The following METTL24 variants were observed in gnomAD, a reference collection of about 807,000 sequenced individuals.
The protein encoded by METTL24 is probable methyltransferase-like protein 24.
METTL24 carries 29 observed loss-of-function variants against 32.7 expected under a neutral mutation model. The ratio of observed to expected loss-of-function variants is 0.89; its 90% CI spans 0.66 to 1.21. The LOEUF is 1.21. Among genes scored for constraint, METTL24 ranks in the 50% most tolerant of loss-of-function variants. The probability of loss-of-function intolerance (pLI) is 0.00; values close to 1 mark genes in which losing one functional copy is unlikely to be tolerated. For synonymous variants in METTL24, 163 were observed against 179.5 expected (o/e 0.91, Z 0.73); for missense variants, 439 against 468.1 (o/e 0.94, Z 0.57).
intron 4 of METTL24, among the ~76,000 whole-genome samples, chr6:110,293,525 C>A (rs1022812505): frequency 1.1e-4 from 16 of 151,740 alleles, no homozygotes; most frequent in Admixed American, 8.5e-4. Flanking sequence ...ATTAATATGT[C>A]CTTCAATAAT....
chr6:110,293,570 T>G (rs1771358891), intron 4 of METTL24, among the ~76,000 whole-genome samples: 1 of 152,004 alleles, frequency 6.6e-6, no homozygotes, highest in Admixed American at 6.5e-5. Context: ...TTTTACCTCT[T>G]TCTTAATTTA....
At chr6:110,315,317 T>C (rs770743972) in intron 3 of METTL24, 25 bp downstream of exon 3, 3 of 1,613,366 alleles carry the variant, frequency 1.9e-6, no homozygotes, top group Non-Finnish European at 2.5e-6. Context: ...TTGTGTTTTC[T>C]TCTGCTGTAA....
At chr6:110,260,026 A>G (rs1240798379) in intron 4 of METTL24, among the ~76,000 whole-genome samples, 1 of 152,240 alleles carries the variant, frequency 6.6e-6, no homozygotes, top group Non-Finnish European at 1.5e-5. Flanking sequence ...AAAACAGAGC[A>G]GAAAAACTGA....
chr6:110,324,487 TA>T (rs1201052081), intron 1 of METTL24, among the ~76,000 whole-genome samples: 6 of 152,244 alleles, frequency 3.9e-5, no homozygotes, highest in Non-Finnish European at 8.8e-5. Context: ...GTAATTTTAT[TA>T]TTTTTTTTAT....
chr6:110,324,103 A>G (rs1771978681), intron 1 of METTL24, among the ~76,000 whole-genome samples: 3 of 152,172 alleles, frequency 2.0e-5, no homozygotes, highest in African/African-American at 7.2e-5. Context: ...GTAGTGGGGA[A>G]CAAGGTTAGT....
At chr6:110,352,156 G>A (rs62435948) in intron 1 of METTL24, among the ~76,000 whole-genome samples, 45,406 of 152,038 alleles carry the variant, frequency 0.3, 7,022 homozygotes, top group Non-Finnish European at 0.33. Context: ...TCCTTAACGG[G>A]AGCAATTTAA....
intron 2 of METTL24, among the ~76,000 whole-genome samples, chr6:110,318,651 C>CAAAAAAAAAA (rs56890760): frequency 1.1e-5 from 1 of 90,538 alleles, no homozygotes; most frequent in African/African-American, 3.5e-5. Flanking sequence ...GACTCTACCT[C>CAAAAAAAAAA]AAAAAAAAAA....
intron 4 of METTL24, among the ~76,000 whole-genome samples, chr6:110,258,764 C>T (rs774841455): frequency 1.1e-4 from 17 of 151,380 alleles, no homozygotes; most frequent in African/African-American, 4.1e-4. Flanking sequence ...AACATCATTC[C>T]TCTGCTCTGA....
intron 1 of METTL24, among the ~76,000 whole-genome samples, chr6:110,348,818 C>T (rs1330746623): frequency 6.6e-6 from 1 of 152,198 alleles, no homozygotes; most frequent in Admixed American, 6.5e-5. Context: ...ATTCCACCCC[C>T]CTAGAGAAAA....
chr6:110,274,294 T>C (rs1029472097), intron 4 of METTL24, among the ~76,000 whole-genome samples: 1 of 152,230 alleles, frequency 6.6e-6, no homozygotes, highest in African/African-American at 2.4e-5. Context: ...GGTTTCACCA[T>C]GTTGGCCAGG....
At chr6:110,254,206 G>T (rs1778338529) in intron 4 of METTL24, 2 of 322,466 alleles carry the variant, frequency 6.2e-6, no homozygotes, top group South Asian at 1.6e-4. Context: ...CAACAAACTG[G>T]GCAACTAAGT....
intron 4 of METTL24, among the ~76,000 whole-genome samples, chr6:110,266,500 G>A (rs1397561868): frequency 1.3e-5 from 2 of 151,878 alleles, no homozygotes; most frequent in Non-Finnish European, 2.9e-5. Flanking sequence ...TCTATTCTTT[G>A]GCTAGATTCC....
chr6:110,259,183 G>C (rs530147611), intron 4 of METTL24, among the ~76,000 whole-genome samples: 32 of 152,286 alleles, frequency 2.1e-4, no homozygotes, highest in Admixed American at 5.2e-4. Context: ...CCTCACCCGG[G>C]AAGCACAAGG....
chr6:110,290,122 T>A (rs1771292285), intron 4 of METTL24, among the ~76,000 whole-genome samples: 2 of 150,770 alleles, frequency 1.3e-5, no homozygotes, highest in South Asian at 4.2e-4. Context: ...TGCCATGTTG[T>A]CCAGGCTGGT....
rs111710682 is a variant in METTL24, at chr6:110,246,901, A to G, written c.787-641T>C. On this transcript the variant is annotated intron_variant, in intron 4 of 4. Transcript: ENST00000338882. ...GAATATTGGACTATAAAAAAATAAT[A>G]TTATTATTCTATGATTTCTTTACAA... Among the ~76,000 whole-genome samples the G allele has an allele frequency of 4.3e-3, 656 of 151,950 alleles. 9 individuals carry two copies. Among genetic ancestry groups the G allele is most frequent in the African/African-American group, 0.015 (640 of 41,438 alleles).
chr6:110,298,840 G>C lies in METTL24; in HGVS notation c.786+82C>G, dbSNP rs1305022758. On this transcript the variant is annotated intron_variant, in intron 4 of 4. Transcript: ENST00000338882. ...GGACCTTCAGCTATCCAATGTCAAT[G>C]TTGCTATTCTTGGTTTGCATTTTAA... The C allele has an allele frequency of 5.6e-5, 67 of 1,186,224 alleles. 1 individual carries two copies. Among genetic ancestry groups the C allele is most frequent in the Non-Finnish European group, 7.1e-5 (58 of 821,978 alleles). 73.5% of individuals were successfully genotyped at this position (1,186,224 alleles called of 1,614,324 possible).
chr6:110,250,884 T>A (rs1778265226), intron 4 of METTL24, among the ~76,000 whole-genome samples: 2 of 152,182 alleles, frequency 1.3e-5, no homozygotes. Context: ...TTTGGCCCCC[T>A]CCCATTCCCT....
intron 4 of METTL24, among the ~76,000 whole-genome samples, chr6:110,255,423 A>G (rs1778364183): frequency 6.6e-6 from 1 of 152,054 alleles, no homozygotes; most frequent in Admixed American, 6.6e-5. Context: ...ACCAGCCAAG[A>G]TGTCAGAGGT....
rs186190120 is a variant in METTL24 at position 110,287,294 on chromosome 6, G to T, written c.786+11628C>A. 9.3e-4 allele frequency among the ~76,000 whole-genome samples: 142 copies of T among 152,300 alleles called. 1 individual carries two copies. Among genetic ancestry groups the T allele is most frequent in the Non-Finnish European group, 1.2e-4 (8 of 68,026 alleles). ...TTGACTCATTTTCCCAAGATGGCTT[G>T]TCCTTAGGGTCCACTGCAGATTGAC... On this transcript the variant is annotated intron_variant, in intron 4 of 4. Coordinates refer to ENST00000338882, the MANE Select transcript of METTL24 (RefSeq NM_001123364.3).
Sources: allele counts gnomAD v4.1 joint callset (sites outside exome capture counted in the v4.1 genomes callset), GRCh38; gene constraint gnomAD v4.1.1; transcripts MANE v1.5; gene names NCBI Gene and HGNC (gene_info 2026-07-23, HGNC 2026-07-21).